The following GRIP1 variants were observed in gnomAD, a reference collection of about 807,000 sequenced individuals.
The protein encoded by GRIP1 is glutamate receptor interacting protein 1, also known as glutamate receptor-interacting protein 1.
Under a neutral mutation model 129.9 loss-of-function variants are expected in GRIP1, and 45 were observed. The ratio of observed to expected loss-of-function variants is 0.35; its 90% confidence interval spans 0.27 to 0.44. The LOEUF (loss-of-function observed/expected upper bound fraction) is 0.44, where lower values mean the gene tolerates loss of function less well. GRIP1 is among the 20% of genes least tolerant of loss of function. GRIP1 has a pLI of 1.00. For synonymous variants in GRIP1, 530 were observed against 520.8 expected, an observed-to-expected ratio of 1.02 and a Z score of -0.24; for missense variants, 1,196 against 1,396.8, an observed-to-expected ratio of 0.86 and a Z score of 2.29.
chr12:66,620,417 G>A (rs1226385669), intron 1 of GRIP1, among the ~76,000 whole-genome samples: 1 of 152,114 alleles, frequency 6.6e-6, no homozygotes, highest in Non-Finnish European at 1.5e-5. Context: ...TCAGCCATGA[G>A]TGGAGCAATG....
chr12:66,804,987 G>A (rs985589069), upstream of GRIP1, among the ~76,000 whole-genome samples: 2 of 152,096 alleles, frequency 1.3e-5, no homozygotes, highest in African/African-American at 2.4e-5. Flanking sequence ...ATCACTGTTT[G>A]ATTTAAATAT....
At chr12:66,442,026 GTGTCCAAC>G (rs1437083766) in intron 13 of GRIP1, among the ~76,000 whole-genome samples, 1 of 152,044 alleles carries the variant, frequency 6.6e-6, no homozygotes, top group Non-Finnish European at 1.5e-5. Context: ...CATGCCTTAC[GTGTCCAAC>G]TGCCACAATC....
chr12:66,571,580 T>A (rs2062961645), intron 2 of GRIP1, among the ~76,000 whole-genome samples: 1 of 152,148 alleles, frequency 6.6e-6, no homozygotes, highest in South Asian at 2.1e-4. Flanking sequence ...AAGAGTACAG[T>A]TTCCCTTTAA....
chr12:66,898,244 T>C (rs1456720780), intron 1 of GRIP1, among the ~76,000 whole-genome samples: 1 of 152,188 alleles, frequency 6.6e-6, no homozygotes, highest in African/African-American at 2.4e-5. Flanking sequence ...GTCCTTAGCC[T>C]TCCTCAGGAA....
chr12:67,007,471 C>T (rs1165811323), intron 1 of GRIP1, among the ~76,000 whole-genome samples: 1 of 152,094 alleles, frequency 6.6e-6, no homozygotes, highest in Non-Finnish European at 1.5e-5. Flanking sequence ...AGAAATAACT[C>T]CCCTCATCCC....
chr12:66,591,475 G>C (rs749446772), intron 2 of GRIP1, among the ~76,000 whole-genome samples: 14 of 151,854 alleles, frequency 9.2e-5, no homozygotes, highest in Non-Finnish European at 1.6e-4. Context: ...TTATCCCTTG[G>C]TATTTTCCCC....
chr12:66,472,943 A>C (rs2059483463), intron 7 of GRIP1, among the ~76,000 whole-genome samples: 1 of 151,566 alleles, frequency 6.6e-6, no homozygotes, highest in Non-Finnish European at 1.5e-5. Flanking sequence ...TTTTTTTCAT[A>C]CCCCAGTGGT....
chr12:67,068,437 C>A (rs1346785569), intron 1 of GRIP1, among the ~76,000 whole-genome samples: 1 of 152,118 alleles, frequency 6.6e-6, no homozygotes, highest in Non-Finnish European at 1.5e-5. Context: ...CAGTCACTCC[C>A]AGCCCCAGAC....
At chr12:66,390,403 C>G (rs1275621427) in intron 19 of GRIP1, among the ~76,000 whole-genome samples, 1 of 152,180 alleles carries the variant, frequency 6.6e-6, no homozygotes, top group African/African-American at 2.4e-5. Flanking sequence ...TTGCCATTGT[C>G]TCTACTTATC....
At chr12:66,465,819 T>C (rs971711993) in intron 7 of GRIP1, among the ~76,000 whole-genome samples, 4 of 151,578 alleles carry the variant, frequency 2.6e-5, no homozygotes, top group African/African-American at 9.7e-5. Flanking sequence ...CAGGAATAAA[T>C]AGACGGATGG....
At chr12:67,029,985 G>A (rs375958560) in intron 1 of GRIP1, among the ~76,000 whole-genome samples, 6 of 151,040 alleles carry the variant, frequency 4.0e-5, no homozygotes, top group Non-Finnish European at 7.4e-5. Context: ...TGGATCACGA[G>A]GTCAGGAGAT....
chr12:66,530,637 A>G (rs1018812475), intron 4 of GRIP1, among the ~76,000 whole-genome samples: 10 of 152,144 alleles, frequency 6.6e-5, no homozygotes, highest in African/African-American at 2.4e-4. Context: ...TGATGGTATA[A>G]GGTATATGAA....
chr12:66,846,941 T>C (rs1399276094), intron 1 of GRIP1, among the ~76,000 whole-genome samples: 1 of 152,100 alleles, frequency 6.6e-6, no homozygotes, highest in Non-Finnish European at 1.5e-5. Context: ...ATCAGTGGAC[T>C]CTGGAGCATA....
chr12:66,673,439 G>A (rs1446299366), intron 1 of GRIP1, among the ~76,000 whole-genome samples: 1 of 151,976 alleles, frequency 6.6e-6, no homozygotes, highest in Non-Finnish European at 1.5e-5. Flanking sequence ...TTCCTAACCT[G>A]CTACAATCAT....
At chr12:66,473,929 A>G (rs1339252779) in intron 7 of GRIP1, among the ~76,000 whole-genome samples, 1 of 152,170 alleles carries the variant, frequency 6.6e-6, no homozygotes, top group South Asian at 2.1e-4. Context: ...CTTCTCCTCC[A>G]GAGGATCACA....
intron 2 of GRIP1, among the ~76,000 whole-genome samples, chr12:66,580,766 T>C (rs372328521): frequency 6.6e-5 from 10 of 151,386 alleles, no homozygotes; most frequent in African/African-American, 1.2e-4. Flanking sequence ...AGCAAGTCCT[T>C]AGTGACCTAC....
chr12:66,377,223 A>G lies in GRIP1; in HGVS notation c.2684T>C (p.Leu895Pro), dbSNP rs1413735932. Residue 895 changes from leucine to proline, a missense_variant, in exon 21 of 25, where the codon CTG becomes CCG. Leu to Pro is a moderately conservative substitution (Grantham distance 98). Transcript: ENST00000359742. ...CTGTCCGCAGGTTTCCAAATCCTCC[A>G]GCGCTTGAGACCAGAAGTTCTCCTC... ...EQEENFWSQA[L>P]EDLETCGQSG... 6.2e-7 allele frequency: 1 copy of G among 1,614,040 alleles called. No homozygotes were observed. The highest frequency in any genetic ancestry group is 8.5e-7 in the Non-Finnish European group (1 of 1,179,844).
intron 1 of GRIP1, among the ~76,000 whole-genome samples, chr12:66,931,628 A>T (rs1223914838): frequency 6.6e-6 from 1 of 152,234 alleles, no homozygotes; most frequent in African/African-American, 2.4e-5. Flanking sequence ...CAGGCTTAGA[A>T]AATAGTGAAA....
Position 66,718,338 on chromosome 12 carries a change from G to A in GRIP1, c.-420+85715C>T, listed in dbSNP as rs150919237. 6.2e-3 allele frequency among the ~76,000 whole-genome samples: 947 copies of A among 152,232 alleles called. 32 individuals are homozygous for A. The highest frequency in any genetic ancestry group is 0.052 in the Admixed American group (789 of 15,274). The stretch of plus-strand genomic sequence containing the variant: ...CCCTCATTTTACAGGCAGAAAAAGA[G>A]AGAGCCAGTCTGGTTAATATTCAGG... On this transcript the variant is annotated intron_variant, in intron 1 of 4. Transcript: ENST00000538373.
Sources: gnomAD v4.1 joint callset for allele counts (sites outside exome capture counted in the v4.1 genomes callset) on GRCh38, gnomAD v4.1.1 for gene constraint, MANE v1.5 for transcripts, NCBI Gene and HGNC (gene_info 2026-07-23, HGNC 2026-07-21) for gene names.